The following COL5A1 variants were observed in gnomAD, a reference collection of about 807,000 sequenced individuals.
The protein encoded by COL5A1 is collagen type V alpha 1 chain, also known as collagen alpha-1(V) chain.
COL5A1 carries 16 observed loss-of-function variants against 263.7 expected under a neutral mutation model. That is an observed-to-expected ratio of 0.06 (90% CI 0.04 to 0.09). The LOEUF is 0.09. Among genes scored for constraint, COL5A1 ranks in the 10% least tolerant of loss-of-function variants. The pLI, the probability that COL5A1 is intolerant of heterozygous loss-of-function variation, is 1.00. For missense variants in COL5A1, 2,036 were observed against 2,540.5 expected, an observed-to-expected ratio of 0.80 and a Z score of 4.27; for synonymous variants, 1,012 against 1,004.5, an observed-to-expected ratio of 1.01 and a Z score of -0.14.
chr9:134,667,195 G>A (rs1203003112), intron 1 of COL5A1, among the ~76,000 whole-genome samples: 1 of 152,200 alleles, frequency 6.6e-6, no homozygotes, highest in Non-Finnish European at 1.5e-5. Context: ...TGCCTGTCCT[G>A]TTATTTGATG....
Position 134,818,712 on chromosome 9 carries a change from G to C in COL5A1, c.4287G>C (p.Gly1429=), listed in dbSNP as rs936839849. The C allele has an allele frequency of 3.1e-6, 5 of 1,611,056 alleles. No homozygotes were observed. The African/African-American group carries it at 5.3e-5, about 17-fold the overall frequency. Residue 1429 remains glycine, a synonymous_variant, in exon 55 of 66, where the codon GGG becomes GGC. Coordinates refer to ENST00000371817, the MANE Select transcript of COL5A1 (RefSeq NM_000093.5). This position sits in a 1 kb window ranked among gnomAD's most constrained non-coding sequence, Gnocchi z 6.0. ...AGACTGGCCCCATCGGCCCCCAGGGGGCCCCTGGGAAGCCCGGACCGGATG... is the reference window on the plus strand; with the variant it reads ...AGACTGGCCCCATCGGCCCCCAGGGCGCCCCTGGGAAGCCCGGACCGGATG... ...PGKTGPIGPQ[G]APGKPGPDGL...
intron 9 of COL5A1, 66 bp from the exon 10 acceptor site, chr9:134,738,408 C>G (rs2132655046): frequency 6.3e-7 from 1 of 1,592,334 alleles, no homozygotes; most frequent in Non-Finnish European, 8.6e-7. Context: ...CCGTCCACAC[C>G]ACTGGGGTCT....
At chr9:134,692,284 G>A (rs2132553439) in intron 2 of COL5A1, among the ~76,000 whole-genome samples, 1 of 152,306 alleles carries the variant, frequency 6.6e-6, no homozygotes, top group East Asian at 1.9e-4. Flanking sequence ...GCCCTGGGCT[G>A]TGGATCCCCA....
rs569177558 is a variant in COL5A1, at chr9:134,842,546, C to T, written c.*243C>T. On this transcript the variant is annotated 3_prime_UTR_variant, in exon 66 of 66. Transcript: ENST00000371817. This position sits in a 1 kb window ranked among gnomAD's most constrained non-coding sequence, Gnocchi z 5.8. ...CTAGCTGCACCCCAGCGCCTGGGCCCGCCCCACGCTCTGTCCACACCCACG... is the reference window on the plus strand; with the variant it reads ...CTAGCTGCACCCCAGCGCCTGGGCCTGCCCCACGCTCTGTCCACACCCACG... The T allele has an allele frequency of 3.2e-5, 19 of 599,386 alleles. No individual in the cohort carries two copies. Among genetic ancestry groups the T allele is most frequent in the Admixed American group, 2.8e-4 (10 of 35,176 alleles). 37.1% of individuals were successfully genotyped at this position (599,386 alleles called of 1,614,324 possible). A position where few individuals can be genotyped will look rare whatever the true frequency, so the allele number is the denominator to read the frequency against.
In COL5A1 at chr9:134,690,898, C is replaced by T. The variant is rs1419494543; in HGVS notation, c.110-14C>T. ...CTCTCCGTGGCTAACTCTGCTCCTC[C>T]TCTGTCATTTCAGCTCAGCCAGCAG... On this transcript the variant is annotated splice_polypyrimidine_tract_variant and intron_variant, in intron 1 of 65. Coordinates refer to ENST00000371817, the MANE Select transcript of COL5A1 (RefSeq NM_000093.5). 5 of 1,613,490 alleles carry T rather than the reference C, an allele frequency of 3.1e-6. No individual in the cohort carries two copies. Among genetic ancestry groups the T allele is most frequent in the East Asian group, 2.2e-5 (1 of 44,886 alleles).
intron 32 of COL5A1, among the ~76,000 whole-genome samples, chr9:134,792,772 CGTGTGTGTACAT>C (rs57071452): frequency 0.49 from 73,835 of 151,058 alleles, 18,432 homozygotes; most frequent in Admixed American, 0.54. Flanking sequence ...TGTGTGTGTG[CGTGTGTGTACAT>C]ATGTGTGTGT....
At chr9:134,767,866 A>G (rs529821549) in intron 24 of COL5A1, among the ~76,000 whole-genome samples, 2 of 152,306 alleles carry the variant, frequency 1.3e-5, no homozygotes, top group African/African-American at 4.8e-5. Context: ...GCGATCAGCA[A>G]AAACACCTCC....
chr9:134,700,829 G>A lies in COL5A1; in HGVS notation c.492-342G>A, dbSNP rs1010179273. Among the ~76,000 whole-genome samples, 1 of 152,148 alleles carries A rather than the reference G, an allele frequency of 6.6e-6. No individual in the cohort carries two copies. Among genetic ancestry groups the A allele is most frequent in the African/African-American group, 2.4e-5 (1 of 41,422 alleles). ...TTCTCCCGATGGCTGTGACCGCACC[G>A]CAGGGACCACGCTCCCAGGGACCAC... On this transcript the variant is annotated intron_variant, in intron 3 of 65. Coordinates refer to ENST00000371817, the MANE Select transcript of COL5A1 (RefSeq NM_000093.5). The surrounding 1 kb of genome is among the most constrained non-coding windows in gnomAD (Gnocchi z 4.0).
chr9:134,762,068 T>G, intron 19 of COL5A1, 90 bp downstream of exon 19: 1 of 1,394,846 alleles, frequency 7.2e-7, no homozygotes, highest in Admixed American at 1.7e-5. Flanking sequence ...GGCCCAGGTG[T>G]GGGATTGGCC....
At chr9:134,664,773 T>G (rs1299122592) in intron 1 of COL5A1, among the ~76,000 whole-genome samples, 3 of 152,182 alleles carry the variant, frequency 2.0e-5, no homozygotes, top group Non-Finnish European at 4.4e-5. Context: ...TTAAAACACA[T>G]GTACTTGGCC....
At position 134,761,109 on chromosome 9, in the gene COL5A1, A is replaced by C. The variant is rs111063912; in HGVS notation, c.1936-816A>C. Reference sequence around the variant, plus strand: ...TGCACACACCCCACACATGCACACAACCCACACATGCACACTCATACCCCC... The same window carrying C: ...TGCACACACCCCACACATGCACACACCCCACACATGCACACTCATACCCCC... On this transcript the variant is annotated intron_variant, in intron 18 of 65. Transcript: ENST00000371817. 5.7e-5 allele frequency among the ~76,000 whole-genome samples: 6 copies of C among 105,990 alleles called. No individual in the cohort carries two copies. The East Asian group carries it at 2.2e-3, about 39-fold the overall frequency. 69.5% of individuals were successfully genotyped at this position (105,990 alleles called of 152,430 possible).
intron 1 of COL5A1, among the ~76,000 whole-genome samples, chr9:134,679,468 TA>T (rs1420250657): frequency 2.9e-5 from 1 of 34,766 alleles, no homozygotes; most frequent in African/African-American, 1.4e-4. Context: ...CGGGGCTTCT[TA>T]GGGGGCACTG....
rs1832747275 is a variant in COL5A1, at chr9:134,678,623, A to T, written c.110-12289A>T. On this transcript the variant is annotated intron_variant, in intron 1 of 65. Transcript: ENST00000371817. This position sits in a 1 kb window ranked among gnomAD's most constrained non-coding sequence, Gnocchi z 5.5. The stretch of plus-strand genomic sequence containing the variant: ...CCTGGCTGCTGTCATTCCTGAGCTG[A>T]TGTGCACTCCTGCAGTGAGCGACAG... Among the ~76,000 whole-genome samples, 2 of 152,164 alleles carry T rather than the reference A, an allele frequency of 1.3e-5. No homozygotes were observed. The highest frequency in any genetic ancestry group is 2.4e-5 in the African/African-American group (1 of 41,432).
chr9:134,706,520 C>A (rs1429790218), intron 4 of COL5A1, among the ~76,000 whole-genome samples: 1 of 152,106 alleles, frequency 6.6e-6, no homozygotes, highest in Non-Finnish European at 1.5e-5. Flanking sequence ...CAGGGCCCAC[C>A]CCCACTGTGC....
chr9:134,731,035 G>T (rs1015300097), intron 7 of COL5A1, among the ~76,000 whole-genome samples: 6 of 152,242 alleles, frequency 3.9e-5, no homozygotes, highest in African/African-American at 1.4e-4. Flanking sequence ...TCCTGTCTCT[G>T]GGGGCTGTGA....
intron 44 of COL5A1, 190 bp downstream of exon 44, chr9:134,810,498 A>G (rs1171731892): frequency 5.0e-6 from 3 of 601,546 alleles, no homozygotes; most frequent in African/African-American, 1.9e-5. Context: ...TCTGGGAGTG[A>G]GTCTCTCTGT....
intron 4 of COL5A1, 150 bp from the exon 5 acceptor site, chr9:134,727,116 C>G: frequency 1.3e-6 from 1 of 786,488 alleles, no homozygotes; most frequent in Non-Finnish European, 2.2e-6. Context: ...TGAGTGGCAG[C>G]TTCTAGGGAG....
chr9:134,802,543 C>T (rs1337661405), intron 38 of COL5A1, among the ~76,000 whole-genome samples: 1 of 152,232 alleles, frequency 6.6e-6, no homozygotes, highest in Non-Finnish European at 1.5e-5. Context: ...GTGGGCTCTG[C>T]CCCTGGTGTG....
chr9:134,779,164 T>TTC (rs148614277), intron 27 of COL5A1, among the ~76,000 whole-genome samples: 2 of 152,034 alleles, frequency 1.3e-5, no homozygotes, highest in South Asian at 2.1e-4. Context: ...GCAGTGTGGC[T>TTC]TCTCTCTCTC....
Sources: gnomAD v4.1 joint callset for allele counts (sites outside exome capture counted in the v4.1 genomes callset) on GRCh38, gnomAD v4.1.1 for gene constraint, Gnocchi (gnomAD v3.1) non-coding constraint, MANE v1.5 for transcripts, NCBI Gene and HGNC (gene_info 2026-07-23, HGNC 2026-07-21) for gene names.